The following CCDC187 variants were observed in gnomAD, a reference collection of about 807,000 sequenced individuals.
The protein encoded by CCDC187 is coiled-coil domain containing 187.
In CCDC187, 32 loss-of-function variants were observed where a neutral mutation model predicts 38.0. The observed-to-expected ratio is 0.84, with a 90% CI of 0.64 to 1.13. CCDC187 has a LOEUF of 1.13. Among genes scored for constraint, CCDC187 ranks in the 50% most tolerant of loss-of-function variants. The probability of loss-of-function intolerance (pLI) is 0.00; values close to 1 mark genes in which losing one functional copy is unlikely to be tolerated. For missense variants in CCDC187, 707 were observed against 786.8 expected (o/e 0.90, Z 1.21); for synonymous variants, 333 against 347.9 (o/e 0.96, Z 0.48).
Position 136,286,214 on chromosome 9 carries a change from C to T in CCDC187, c.2704G>A (p.Val902Met), listed in dbSNP as rs922976615. ...AGAAGGGGCTGGGGCTGCATGCTCA[C>T]CCACTCCCCAGGTGCCCCTCTGCCC... ...NWGRGAPGEW[V>M]SMQPQPLLPP... is the part of the protein sequence containing the mutation. Residue 902 changes from valine (V) to methionine (M), a missense_variant, in exon 8 of 26, where the codon GTG becomes ATG. Physicochemically the swap from Val to Met is conservative, Grantham distance 21. Transcript: ENST00000638797. 2 of 398,552 alleles carry T rather than the reference C, an allele frequency of 5.0e-6. No individual in the cohort carries two copies. The highest frequency in any genetic ancestry group is 8.9e-6 in the Non-Finnish European group (2 of 225,984). 24.7% of individuals were successfully genotyped at this position (398,552 alleles called of 1,614,324 possible). A position where few individuals can be genotyped will look rare whatever the true frequency, so the allele number is the denominator to read the frequency against.
chr9:136,301,012 A>G (rs1831667828), intron 2 of CCDC187, among the ~76,000 whole-genome samples: 1 of 152,342 alleles, frequency 6.6e-6, no homozygotes, highest in East Asian at 1.9e-4. Context: ...TCTCACACAG[A>G]AACGCCTCTG....
intron 10 of CCDC187, among the ~76,000 whole-genome samples, chr9:136,277,455 C>T (rs1203837380): frequency 2.4e-4 from 10 of 42,448 alleles, no homozygotes; most frequent in East Asian, 8.3e-4. Flanking sequence ...ATGGGGTGGG[C>T]GGGTGCTGAC....
intron 19 of CCDC187, among the ~76,000 whole-genome samples, chr9:136,261,366 T>C (rs1298352235): frequency 6.6e-6 from 1 of 152,206 alleles, no homozygotes; most frequent in Non-Finnish European, 1.5e-5. Flanking sequence ...ATTTTCTAGC[T>C]GTGGACAGTG....
intron 9 of CCDC187, among the ~76,000 whole-genome samples, chr9:136,282,882 C>G (rs1387918842): frequency 1.3e-5 from 2 of 152,226 alleles, no homozygotes; most frequent in African/African-American, 4.8e-5. Flanking sequence ...GGCTGGGTGG[C>G]TAGAAGCCCC....
Position 136,291,163 on chromosome 9 carries a change from C to T in CCDC187, c.1450G>A (p.Gly484Ser). 2.5e-6 allele frequency: 1 copy of T among 398,480 alleles called. No homozygotes were observed. The highest frequency in any genetic ancestry group is 4.4e-6 in the Non-Finnish European group (1 of 226,074). The allele number at this position is 398,480 out of a possible 1,614,324, so 24.7% of individuals were successfully genotyped here. A position where few individuals can be genotyped will look rare whatever the true frequency, so the allele number is the denominator to read the frequency against. Reference protein sequence around the residue: ...QRPESPHERLGHFSQRPWSAL... With the variant: ...QRPESPHERLSHFSQRPWSAL... ...CTCCAGGGCCTCTGGGAGAAGTGGC[C>T]CAACCTCTCATGGGGACTCTCCGGC... Residue 484 changes from glycine (G) to serine (S), a missense_variant, in exon 6 of 26, where the codon GGC (glycine) becomes AGC (serine). Gly to Ser is a moderately conservative substitution (Grantham distance 56). Coordinates refer to ENST00000638797, the MANE Select transcript of CCDC187 (RefSeq NM_001378188.1).
Position 136,255,023 on chromosome 9 carries a change from C to T in CCDC187, c.4805G>A (p.Cys1602Tyr), listed in dbSNP as rs1400620575. 5.1e-6 allele frequency: 5 copies of T among 985,404 alleles called. No homozygotes were observed. The African/African-American group carries it at 5.2e-5, about 10-fold the overall frequency. 61.0% of individuals were successfully genotyped at this position (985,404 alleles called of 1,614,324 possible). ...CGTGGCTTCTTCCGAAGGCCCCCAG[C>T]AGGTTCCAGAAGCAGACTCAGAGCC... ...GPGSESASGTCWGPSEEATVS... is the reference protein window; with the variant it reads ...GPGSESASGTYWGPSEEATVS... Residue 1602 changes from cysteine to tyrosine, a missense_variant, in exon 26 of 26, where the codon TGC becomes TAC. Transcript: ENST00000638797.
chr9:136,267,916 G>A (rs782816845), intron 15 of CCDC187, 133 bp downstream of exon 15: 14 of 985,548 alleles, frequency 1.4e-5, no homozygotes, highest in Non-Finnish European at 1.6e-5. Flanking sequence ...TGACGCGATC[G>A]CCGGAAGAAC....
At position 136,298,673 on chromosome 9, in the gene CCDC187, A is replaced by G. The variant is rs1434938177; in HGVS notation, c.725-852T>C. Among the ~76,000 whole-genome samples the G allele has an allele frequency of 2.6e-5, 4 of 152,350 alleles. No homozygotes were observed. In the East Asian group the frequency reaches 5.8e-4, roughly 22 times the overall value. On this transcript the variant is annotated intron_variant, in intron 3 of 25. Coordinates refer to ENST00000638797, the MANE Select transcript of CCDC187 (RefSeq NM_001378188.1). Reference sequence around the variant, plus strand: ...TCCAGGCCCCAACTCTGCTGGCAGGAGGAGCCTCAAGAGCCAGGTCCTCTG... The same window carrying G: ...TCCAGGCCCCAACTCTGCTGGCAGGGGGAGCCTCAAGAGCCAGGTCCTCTG...
chr9:136,306,230 A>G (rs1831802528), upstream of CCDC187, among the ~76,000 whole-genome samples: 1 of 152,134 alleles, frequency 6.6e-6, no homozygotes. Flanking sequence ...AGCCAGCCAC[A>G]TCCCCACCCT....
intron 18 of CCDC187, among the ~76,000 whole-genome samples, chr9:136,263,152 C>T (rs1483275890): frequency 2.0e-5 from 3 of 151,630 alleles, no homozygotes; most frequent in Non-Finnish European, 2.9e-5. Context: ...ATCCAGGAAG[C>T]CTCCTCAGCC....
chr9:136,286,695 G>A lies in CCDC187; in HGVS notation c.2223C>T (p.Ser741=), dbSNP rs1188713582. ...MVLGGQEAPG[S]FCLCLNRAWN... is the part of the protein sequence containing the mutation. The stretch of plus-strand genomic sequence containing the variant: ...AGGCTCTGTTCAAACACAGGCAGAA[G>A]CTGCAGGAAGAGAGACGTGGACAGA... The change falls in exon 8 of 26, where the codon AGC becomes AGT. Residue 741 remains serine, a splice_region_variant and synonymous_variant. Transcript: ENST00000638797. 1.3e-5 allele frequency: 5 copies of A among 398,686 alleles called. No homozygotes were observed. Among genetic ancestry groups the A allele is most frequent in the African/African-American group, 2.1e-5 (1 of 48,644 alleles). 24.7% of individuals were successfully genotyped at this position (398,686 alleles called of 1,614,324 possible).
intron 4 of CCDC187, among the ~76,000 whole-genome samples, chr9:136,294,912 G>A (rs1831497922): frequency 6.6e-6 from 1 of 152,250 alleles, no homozygotes; most frequent in South Asian, 2.1e-4. Context: ...TCTCAGACCT[G>A]GGTTTAAGTC....
chr9:136,278,362 T>TG (rs1411343644), intron 10 of CCDC187, among the ~76,000 whole-genome samples: 1 of 152,054 alleles, frequency 6.6e-6, no homozygotes, highest in Non-Finnish European at 1.5e-5. Flanking sequence ...TCAGAGGACA[T>TG]GGGGGGACAT....
chr9:136,270,124 T>C (rs560867070), intron 14 of CCDC187, among the ~76,000 whole-genome samples: 1 of 152,322 alleles, frequency 6.6e-6, no homozygotes, highest in East Asian at 1.9e-4. Context: ...GTATGCGTAA[T>C]TGTGTAAGCT....
chr9:136,277,394 C>G (rs1343963796), intron 10 of CCDC187, among the ~76,000 whole-genome samples: 2 of 93,668 alleles, frequency 2.1e-5, no homozygotes, highest in East Asian at 6.2e-4. Flanking sequence ...ACAGACAGGG[C>G]AGGTGGGTGC....
chr9:136,300,754 C>T (rs917642740), intron 2 of CCDC187, among the ~76,000 whole-genome samples: 35 of 152,340 alleles, frequency 2.3e-4, no homozygotes, highest in Admixed American at 1.8e-3. Context: ...CCTGCCACAA[C>T]ACCTGGCTAA....
chr9:136,255,658 T>G lies in CCDC187; in HGVS notation c.4692A>C (p.Pro1564=). 1 of 983,936 alleles carries G rather than the reference T, an allele frequency of 1.0e-6. No homozygotes were observed. The highest frequency in any genetic ancestry group is 1.1e-4 in the East Asian group (1 of 8,778). The allele number at this position is 983,936 out of a possible 1,614,324, so 61.0% of individuals were successfully genotyped here. A position where few individuals can be genotyped will look rare whatever the true frequency, so the allele number is the denominator to read the frequency against. The change falls in exon 25 of 26, where the codon CCA becomes CCC. Residue 1564 remains proline (P), a splice_region_variant and synonymous_variant. Transcript: ENST00000638797. The part of the protein sequence containing the change: ...WLEAAQAAAS[P]AAPVVPEEAA... Reference sequence around the variant, plus strand: ...AGGGGCTGGGGGCTGGGGCATTACCTGGGGAGGCAGCGGCCTGGGCAGCCT... The same window carrying G: ...AGGGGCTGGGGGCTGGGGCATTACCGGGGGAGGCAGCGGCCTGGGCAGCCT...
Position 136,254,831 on chromosome 9 carries a change from C to T in CCDC187, c.4997G>A (p.Gly1666Glu), listed in dbSNP as rs1830593724. ...CGAGGAGTGTCGGGCAGAGAGCTCT[C>T]CAGGCCAGCTGAAACCTTCGTCTGG... ...DSPDEGFSWP[G>E]ELSARHSSGE... Residue 1666 changes from glycine (G) to glutamate (E), a missense_variant, in exon 26 of 26, where the codon GGA (glycine) becomes GAA (glutamate). Transcript: ENST00000638797. The T allele has an allele frequency of 1.0e-6, 1 of 985,430 alleles. No individual in the cohort carries two copies. The highest frequency in any genetic ancestry group is 1.2e-6 in the Non-Finnish European group (1 of 829,948). The allele number at this position is 985,430 out of a possible 1,614,324, so 61.0% of individuals were successfully genotyped here.
In CCDC187 at chr9:136,292,273, G is replaced by C; in HGVS notation, c.855C>G (p.Tyr285Ter). 1 of 398,764 alleles carries C rather than the reference G, an allele frequency of 2.5e-6. No homozygotes were observed. 24.7% of individuals were successfully genotyped at this position (398,764 alleles called of 1,614,324 possible). A position where few individuals can be genotyped will look rare whatever the true frequency, so the allele number is the denominator to read the frequency against. ...CCAGAGCTTGTCCCTTTCTCCAGGC[G>C]TAAACACCAACCAGCTCCGAATCTT... is the stretch of plus-strand genomic sequence containing the variant. ...KDEDSELVGV[Y>*]AWRKGQALVR... Residue 285 changes from tyrosine (Y) to a stop codon, truncating the protein, a stop_gained, in exon 5 of 26, where the codon TAC becomes TAG. Transcript: ENST00000638797. LOFTEE classifies it high-confidence loss of function.
Sources: allele counts gnomAD v4.1 joint callset (sites outside exome capture counted in the v4.1 genomes callset), GRCh38; gene constraint gnomAD v4.1.1; transcripts MANE v1.5; gene names NCBI Gene and HGNC (gene_info 2026-07-23, HGNC 2026-07-21).